PSG1: variants seen among roughly 807,000 people sequenced by gnomAD.
PSG1 encodes the protein pregnancy specific beta-1-glycoprotein 1.
Under a neutral mutation model 41.4 loss-of-function variants are expected in PSG1, and 60 were observed. The observed-to-expected ratio is 1.45, with a 90% CI of 1.18 to 1.80. PSG1 has a LOEUF of 1.80. Ranked by LOEUF, PSG1 falls within the 40% of genes most tolerant of loss-of-function variation. PSG1 has a pLI of 0.00. For synonymous variants in PSG1, 256 were observed against 192.9 expected (o/e 1.33, Z -2.71); for missense variants, 806 against 516.9 (o/e 1.56, Z -5.42).
At chr19:42,868,663 A>G (rs1278014202) in intron 4 of PSG1, 93 bp downstream of exon 4, 15 of 1,578,760 alleles carry the variant, frequency 9.5e-6, no homozygotes, top group Non-Finnish European at 1.3e-5. Flanking sequence ...AAAGGTGTCT[A>G]TACTTGGACC....
chr19:42,878,376 C>T, intron 1 of PSG1, 98 bp from the exon 2 acceptor site: 1 of 1,454,424 alleles, frequency 6.9e-7, no homozygotes, highest in Non-Finnish European at 9.3e-7. Flanking sequence ...AGTCCTCAGC[C>T]TTGACAACAC....
At chr19:42,871,018 C>T (rs1367240691) in intron 3 of PSG1, among the ~76,000 whole-genome samples, 4 of 151,544 alleles carry the variant, frequency 2.6e-5, no homozygotes, top group Non-Finnish European at 4.4e-5. Context: ...GATTTTCCCT[C>T]TCCCTTTGCA....
intron 1 of PSG1, among the ~76,000 whole-genome samples, chr19:42,878,787 G>A (rs938062244): frequency 5.3e-5 from 8 of 150,796 alleles, no homozygotes; most frequent in African/African-American, 2.0e-4. Context: ...TGAAGACAGG[G>A]ACTTTTGTGA....
intron 4 of PSG1, 82 bp downstream of exon 4, chr19:42,868,674 G>C: frequency 6.3e-7 from 1 of 1,591,292 alleles, no homozygotes; most frequent in East Asian, 2.2e-5. Context: ...TACTTGGACC[G>C]GAGAGAGACT....
chr19:42,875,824 G>GTT (rs5828150), intron 2 of PSG1, among the ~76,000 whole-genome samples: 2,120 of 128,910 alleles, frequency 0.016, 68 homozygotes, highest in South Asian at 0.035. Flanking sequence ...TTATTTATTT[G>GTT]TTTTTTTTTT....
chr19:42,868,162 G>A lies in PSG1; in HGVS notation c.1182C>T (p.Cys394=). ...TGCCAGTGGCTGAGTTACGAACAGAGCAAACATAGAGCCCGCTATGCTTTG... is the reference window on the plus strand; with the variant it reads ...TGCCAGTGGCTGAGTTACGAACAGAACAAACATAGAGCCCGCTATGCTTTG... ...ITTKHSGLYV[C]SVRNSATGKE... is the part of the protein sequence containing the mutation. The change falls in exon 5 of 6, where the codon TGC becomes TGT. Residue 394 remains cysteine, a synonymous_variant. Coordinates refer to ENST00000436291, the MANE Select transcript of PSG1 (RefSeq NM_001184825.2). 1 of 1,612,430 alleles carries A rather than the reference G, an allele frequency of 6.2e-7. No individual in the cohort carries two copies. The highest frequency in any genetic ancestry group is 8.5e-7 in the Non-Finnish European group (1 of 1,179,116).
chr19:42,869,389 C>G (rs542628809), intron 3 of PSG1: 17 of 361,784 alleles, frequency 4.7e-5, no homozygotes, highest in African/African-American at 1.8e-4. Flanking sequence ...TATGCAACTG[C>G]TGGGCCCCTT....
intron 2 of PSG1, among the ~76,000 whole-genome samples, chr19:42,872,441 A>G (rs1971433602): frequency 1.3e-5 from 2 of 151,606 alleles, no homozygotes; most frequent in Admixed American, 6.6e-5. Context: ...CCACTGAGGT[A>G]TGTTTTCTCT....
Position 42,879,246 on chromosome 19 carries a change from G to A in PSG1, c.64+272C>T, listed in dbSNP as rs138312530. ...CAGCTATCTGCAACTTCTGCCTCCC[G>A]GGTTCACGTGATTCTCCTGCCTCAG... On this transcript the variant is annotated intron_variant, in intron 1 of 5. Coordinates refer to ENST00000436291, the MANE Select transcript of PSG1 (RefSeq NM_001184825.2). 3.6e-3 allele frequency among the ~76,000 whole-genome samples: 539 copies of A among 149,222 alleles called. 6 individuals are homozygous for A. Among genetic ancestry groups the A allele is most frequent in the African/African-American group, 0.012 (503 of 40,348 alleles).
chr19:42,871,835 G>A lies in PSG1; in HGVS notation c.641C>T (p.Pro214Leu). ...TGGGTTCCGTATTTCACATTCATAG[G>A]GTCCTGCAGTATACTTTGTGACACC... ...LLGVTKYTAG[P>L]YECEIRNPVS... The change falls in exon 3 of 6, where the codon CCC becomes CTC. Residue 214 changes from proline to leucine, a missense_variant. Pro to Leu is a moderately conservative substitution (Grantham distance 98). Coordinates refer to ENST00000436291, the MANE Select transcript of PSG1 (RefSeq NM_001184825.2). 1 of 1,612,490 alleles carries A rather than the reference G, an allele frequency of 6.2e-7. No homozygotes were observed. Among genetic ancestry groups the A allele is most frequent in the Non-Finnish European group, 8.5e-7 (1 of 1,179,240 alleles).
intron 2 of PSG1, among the ~76,000 whole-genome samples, chr19:42,872,249 A>G (rs1455156274): frequency 6.6e-6 from 1 of 151,532 alleles, no homozygotes; most frequent in East Asian, 1.9e-4. Context: ...TGGGAGAAGC[A>G]CAGACTTTCT....
Position 42,878,220 on chromosome 19 carries a change from C to T in PSG1, c.123G>A (p.Glu41=), listed in dbSNP as rs180948831. The change falls in exon 2 of 6, where the codon GAG becomes GAA. Residue 41 remains glutamate, a synonymous_variant. Transcript: ENST00000436291. ...PTTAQVTIEA[E]PTKVSEGKDV... ...CCTTCCCCTCGGAAACTTTGGTTGG[C>T]TCGGCTTCAATCGTGACTTGGGCAG... 271 of 1,611,108 alleles carry T rather than the reference C, an allele frequency of 1.7e-4. 5 individuals carry two copies. Among genetic ancestry groups the T allele is most frequent in the South Asian group, 1.1e-5 (1 of 90,484 alleles).
chr19:42,877,445 G>A (rs1031455697), intron 2 of PSG1, among the ~76,000 whole-genome samples: 1 of 151,524 alleles, frequency 6.6e-6, no homozygotes, highest in Non-Finnish European at 1.5e-5. Context: ...AGTAAGCCCT[G>A]CCCAAGAAGC....
intron 2 of PSG1, among the ~76,000 whole-genome samples, chr19:42,876,460 C>T (rs568265104): frequency 4.0e-5 from 6 of 151,442 alleles, no homozygotes; most frequent in African/African-American, 7.3e-5. Context: ...GTGGCTAGAA[C>T]CTCCTAGGAT....
intron 3 of PSG1, chr19:42,869,425 C>A (rs981375092): frequency 2.1e-5 from 6 of 279,596 alleles, no homozygotes; most frequent in South Asian, 1.4e-4. Flanking sequence ...CTTTGTCCCC[C>A]TAGATGTGAT....
Position 42,867,208 on chromosome 19 carries a change from G to C in PSG1, c.1244-58C>G, listed in dbSNP as rs2122480829. On this transcript the variant is annotated intron_variant, in intron 5 of 5. Coordinates refer to ENST00000436291, the MANE Select transcript of PSG1 (RefSeq NM_001184825.2). The stretch of plus-strand genomic sequence containing the variant: ...GAACAGAGCTGCAGTCTCATAACAG[G>C]TATACTACAGTTTTTATTTTCCACA... 3 of 763,672 alleles carry C rather than the reference G, an allele frequency of 3.9e-6. No individual in the cohort carries two copies. In the East Asian group the frequency reaches 7.3e-5, roughly 19 times the overall value. 47.3% of individuals were successfully genotyped at this position (763,672 alleles called of 1,614,324 possible). A position where few individuals can be genotyped will look rare whatever the true frequency, so the allele number is the denominator to read the frequency against.
At chr19:42,878,382 A>T in intron 1 of PSG1, 104 bp from the exon 2 acceptor site, 1 of 1,428,684 alleles carries the variant, frequency 7.0e-7, no homozygotes, top group Non-Finnish European at 9.4e-7. Context: ...CAGCCTTGAC[A>T]ACACAGACAC....
At position 42,878,767 on chromosome 19, in the gene PSG1, G is replaced by A. The variant is rs182014171; in HGVS notation, c.65-489C>T. On this transcript the variant is annotated intron_variant, in intron 1 of 5. Transcript: ENST00000436291. ...TGTCTGTCTTCCCCCCCATGACAGC[G>A]TGAGCTCCGTGAAGACAGGGACTTT... is the stretch of plus-strand genomic sequence containing the variant. Among the ~76,000 whole-genome samples, 9 of 150,288 alleles carry A rather than the reference G, an allele frequency of 6.0e-5. No individual in the cohort carries two copies. The South Asian group carries it at 6.4e-4, about 11-fold the overall frequency.
rs1250092205 is a variant in PSG1, at chr19:42,879,525, C to T, written c.57G>A (p.Leu19=). Residue 19 remains leucine, a synonymous_variant, in exon 1 of 6, where the codon CTG becomes CTA. Coordinates refer to ENST00000436291, the MANE Select transcript of PSG1 (RefSeq NM_001184825.2). ...CTQRIKWKGL[L]LTASLLNFWN... is the part of the protein sequence containing the mutation. ...AGGAAGTTCTCTCCTCACCTGTGAGCAGGAGCCCCTTCCATTTGATGCGCT... is the reference window on the plus strand; with the variant it reads ...AGGAAGTTCTCTCCTCACCTGTGAGTAGGAGCCCCTTCCATTTGATGCGCT... 6.2e-7 allele frequency: 1 copy of T among 1,610,406 alleles called. No homozygotes were observed. Among genetic ancestry groups the T allele is most frequent in the Non-Finnish European group, 8.5e-7 (1 of 1,177,944 alleles).
Sources: gnomAD v4.1 joint callset for allele counts (sites outside exome capture counted in the v4.1 genomes callset) on GRCh38, gnomAD v4.1.1 for gene constraint, MANE v1.5 for transcripts, NCBI Gene and HGNC (gene_info 2026-07-23, HGNC 2026-07-21) for gene names.